The following PPM1L variants were observed in gnomAD, a reference collection of about 807,000 sequenced individuals.
PPM1L encodes the protein protein phosphatase, Mg2+/Mn2+ dependent 1L, also known as protein phosphatase 1L.
PPM1L carries 13 observed loss-of-function variants against 31.4 expected under a neutral mutation model. The observed-to-expected ratio is 0.41, with a 90% CI of 0.27 to 0.66. PPM1L has a LOEUF of 0.66. Among genes scored for constraint, PPM1L ranks in the 30% least tolerant of loss-of-function variants. PPM1L has a pLI of 0.29. For missense variants in PPM1L, 326 were observed against 453.7 expected (o/e 0.72, Z 2.56); for synonymous variants, 184 against 175.4 (o/e 1.05, Z -0.39).
At chr3:160,903,164 A>AGTGTGTGTGTGTGTGTGTGTGTGT (rs60731351) in intron 1 of PPM1L, among the ~76,000 whole-genome samples, 11 of 106,582 alleles carry the variant, frequency 1.0e-4, no homozygotes, top group African/African-American at 4.7e-4. Context: ...TAGAAGCAAT[A>AGTGTGTGTGTGTGTGTGTGTGTGT]GTGTGTGTGT....
chr3:161,008,681 GAA>G (rs1308547161), intron 2 of PPM1L, among the ~76,000 whole-genome samples: 2 of 152,184 alleles, frequency 1.3e-5, no homozygotes, highest in Admixed American at 6.5e-5. Context: ...TGAAGTGTAG[GAA>G]AAAGAACAGA....
intron 1 of PPM1L, chr3:160,842,364 A>T: frequency 1.4e-6 from 1 of 698,786 alleles, no homozygotes; most frequent in African/African-American, 1.7e-5. Flanking sequence ...ATAAAACTAG[A>T]GAGGTAGGTT....
rs777627264 is a variant in PPM1L, at chr3:160,756,620, C to T, written c.312C>T (p.His104=). ...ACTCCATCCAGGGCCGGAGAGACCA[C>T]ATGGAGGACCGCTTCGAAGTTCTCA... ...AVYSIQGRRD[H]MEDRFEVLTD... Residue 104 remains histidine, a synonymous_variant, in exon 1 of 4, where the codon CAC becomes CAT. Transcript: ENST00000498165. This position sits in a 1 kb window ranked among gnomAD's most constrained non-coding sequence, Gnocchi z 6.2. 6.2e-7 allele frequency: 1 copy of T among 1,614,180 alleles called. No individual in the cohort carries two copies. The highest frequency in any genetic ancestry group is 1.7e-5 in the Admixed American group (1 of 60,030).
At chr3:161,031,501 CCTT>C (rs1254021986) in intron 2 of PPM1L, among the ~76,000 whole-genome samples, 5 of 59,680 alleles carry the variant, frequency 8.4e-5, no homozygotes, top group African/African-American at 1.2e-4. Context: ...TGTATTCTGT[CCTT>C]TTTTTTTTTT....
intron 2 of PPM1L, among the ~76,000 whole-genome samples, chr3:161,001,889 A>C (rs1717494874): frequency 6.6e-6 from 1 of 152,164 alleles, no homozygotes; most frequent in African/African-American, 2.4e-5. Context: ...CACAAGGTGC[A>C]GGTTAGTTAC....
chr3:160,859,587 C>A (rs561143739), intron 1 of PPM1L, among the ~76,000 whole-genome samples: 4 of 152,108 alleles, frequency 2.6e-5, no homozygotes, highest in African/African-American at 9.6e-5. Flanking sequence ...TTTTGCCCAC[C>A]CCTGGTCTAG....
intron 1 of PPM1L, among the ~76,000 whole-genome samples, chr3:160,933,768 T>C (rs1368820796): frequency 6.6e-6 from 1 of 152,198 alleles, no homozygotes; most frequent in African/African-American, 2.4e-5. Flanking sequence ...CTGTCTTTAT[T>C]TGAAATGTTT....
intron 1 of PPM1L, among the ~76,000 whole-genome samples, chr3:160,801,166 C>T (rs1035392797): frequency 7.5e-5 from 11 of 147,132 alleles, no homozygotes; most frequent in African/African-American, 2.0e-4. Context: ...CACACACACA[C>T]GGGAATTTTT....
At chr3:160,922,032 T>C (rs748821296) in intron 1 of PPM1L, among the ~76,000 whole-genome samples, 18 of 152,230 alleles carry the variant, frequency 1.2e-4, no homozygotes, top group South Asian at 8.3e-4. Context: ...TGCTGACGGC[T>C]GGGCACGGTG....
chr3:160,830,492 G>A (rs566018838), intron 1 of PPM1L, among the ~76,000 whole-genome samples: 11 of 152,240 alleles, frequency 7.2e-5, no homozygotes, highest in South Asian at 6.2e-4. Flanking sequence ...TATTCCCACC[G>A]TACCCTGAAA....
chr3:161,077,664 G>T lies in PPM1L; in HGVS notation c.*8507G>T, dbSNP rs1449597051. 6.6e-6 allele frequency: 1 copy of T among 152,118 alleles called. No homozygotes were observed. The highest frequency in any genetic ancestry group is 2.4e-5 in the African/African-American group (1 of 41,406). 9.4% of individuals were successfully genotyped at this position (152,118 alleles called of 1,614,324 possible). A position where few individuals can be genotyped will look rare whatever the true frequency, so the allele number is the denominator to read the frequency against. On this transcript the variant is annotated 3_prime_UTR_variant, in exon 4 of 4. Transcript: ENST00000498165. The stretch of plus-strand genomic sequence containing the variant: ...TATATAGAAAGTTAACATTTCAGGA[G>T]CACAATTATTTCCTGATTTCAAATA...
intron 2 of PPM1L, among the ~76,000 whole-genome samples, chr3:160,981,141 T>A (rs2108034610): frequency 6.6e-6 from 1 of 152,338 alleles, no homozygotes; most frequent in South Asian, 2.1e-4. Context: ...AATATCTTTA[T>A]CTTTTCTAAT....
intron 2 of PPM1L, among the ~76,000 whole-genome samples, chr3:160,993,534 G>A (rs1257622870): frequency 6.6e-6 from 1 of 152,088 alleles, no homozygotes; most frequent in Non-Finnish European, 1.5e-5. Context: ...CATTGTTCTG[G>A]TGATGCTTCT....
At chr3:160,788,404 C>T (rs1711997042) in intron 1 of PPM1L, among the ~76,000 whole-genome samples, 1 of 151,858 alleles carries the variant, frequency 6.6e-6, no homozygotes, top group South Asian at 2.1e-4. Flanking sequence ...ATTTTGTGAA[C>T]TTCTGGTTCA....
At chr3:160,968,548 C>T (rs907766160) in intron 2 of PPM1L, among the ~76,000 whole-genome samples, 30 of 152,134 alleles carry the variant, frequency 2.0e-4, no homozygotes, top group African/African-American at 7.0e-4. Context: ...ATTTATGTTT[C>T]TGTAGCTAAT....
At chr3:160,794,608 G>A (rs1180118631) in intron 1 of PPM1L, among the ~76,000 whole-genome samples, 1 of 152,166 alleles carries the variant, frequency 6.6e-6, no homozygotes. Flanking sequence ...TCATTGTAAA[G>A]CACGAAGTTC....
At chr3:160,821,602 T>C (rs1014237558) in intron 1 of PPM1L, among the ~76,000 whole-genome samples, 10 of 152,108 alleles carry the variant, frequency 6.6e-5, no homozygotes, top group Non-Finnish European at 1.5e-4. Flanking sequence ...ATTCAATTTT[T>C]TGGGAGTAAA....
chr3:160,924,224 C>G (rs1270522031), intron 1 of PPM1L, among the ~76,000 whole-genome samples: 1 of 147,832 alleles, frequency 6.8e-6, no homozygotes, highest in Non-Finnish European at 1.5e-5. Flanking sequence ...TCCCACAGAG[C>G]TTGGCTATGG....
intron 1 of PPM1L, among the ~76,000 whole-genome samples, chr3:160,832,991 C>T (rs1390875576): frequency 1.3e-5 from 2 of 152,096 alleles, no homozygotes; most frequent in East Asian, 3.9e-4. Flanking sequence ...CATTGTTCAG[C>T]TCCCACTTAT....
Sources: allele counts gnomAD v4.1 joint callset (sites outside exome capture counted in the v4.1 genomes callset), GRCh38; gene constraint gnomAD v4.1.1; non-coding constraint Gnocchi (gnomAD v3.1); transcripts MANE v1.5; gene names NCBI Gene and HGNC (gene_info 2026-07-23, HGNC 2026-07-21).